Variants in UGT2A1 observed in about 807,000 individuals in gnomAD.
UGT2A1 encodes the protein UDP-glucuronosyltransferase 2A1.
A neutral mutation model predicts 45.4 loss-of-function variants in UGT2A1; 61 were observed. The observed-to-expected ratio is 1.34, with a 90% confidence interval of 1.09 to 1.66. The LOEUF is 1.66. UGT2A1 is among the 40% of genes most tolerant of loss of function. UGT2A1 has a pLI of 0.00. For missense variants in UGT2A1, 649 were observed against 574.3 expected (o/e 1.13, Z -1.33); for synonymous variants, 229 against 196.2 (o/e 1.17, Z -1.40).
At chr4:69,640,111 C>T (rs1039370071) in intron 2 of UGT2A1, among the ~76,000 whole-genome samples, 11 of 151,874 alleles carry the variant, frequency 7.2e-5, no homozygotes, top group African/African-American at 2.7e-4. Flanking sequence ...TCAGTTTCTT[C>T]CATATGACAC....
chr4:69,592,778 T>C (rs1396701165), intron 6 of UGT2A1, among the ~76,000 whole-genome samples: 1 of 151,570 alleles, frequency 6.6e-6, no homozygotes, highest in African/African-American at 2.4e-5. Flanking sequence ...AGATAAAAAA[T>C]GGAAATAAAA....
At position 69,635,829 on chromosome 4, in the gene UGT2A1, A is replaced by AAAAAAAAAAAAAAAAAAAAAAAC; in HGVS notation, c.716-8_716-7insGTTTTTTTTTTTTTTTTTTTTTT. 2.3e-5 allele frequency: 1 copy of AAAAAAAAAAAAAAAAAAAAAAAC among 42,982 alleles called. No homozygotes were observed. The allele number at this position is 42,982 out of a possible 1,614,324, so 2.7% of individuals were successfully genotyped here. ...CAACAGAGTAAGAGTCCACCTCACC[A>AAAAAAAAAAAAAAAAAAAAAAAC]AAAAAAAAAAAAAAAAAAAAAGAGA... is the stretch of plus-strand genomic sequence containing the variant. On this transcript the variant is annotated splice_region_variant and splice_polypyrimidine_tract_variant and intron_variant, in intron 2 of 6. Transcript: ENST00000286604.
intron 4 of UGT2A1, 30 bp from the exon 5 acceptor site, chr4:69,595,279 G>A: frequency 6.2e-7 from 1 of 1,609,014 alleles, no homozygotes; most frequent in Non-Finnish European, 8.5e-7. Context: ...AATTTTGCAA[G>A]GAAAAACACA....
At chr4:69,644,163 G>A (rs926766231) in intron 2 of UGT2A1, among the ~76,000 whole-genome samples, 6 of 151,638 alleles carry the variant, frequency 4.0e-5, no homozygotes, top group African/African-American at 1.4e-4. Context: ...TGAACAAATT[G>A]TTAAGAAAGA....
At chr4:69,638,405 A>C (rs1721838872) in intron 2 of UGT2A1, among the ~76,000 whole-genome samples, 1 of 152,142 alleles carries the variant, frequency 6.6e-6, no homozygotes, top group Non-Finnish European at 1.5e-5. Context: ...GATGGTGTCC[A>C]ACTACCCAGA....
intron 2 of UGT2A1, chr4:69,639,719 T>C (rs1721948111): frequency 7.3e-7 from 1 of 1,372,494 alleles, no homozygotes; most frequent in Non-Finnish European, 9.7e-7. Context: ...TAATATTTAG[T>C]GCGATGGTTA....
At chr4:69,609,718 G>A (rs1019105344) in intron 3 of UGT2A1, among the ~76,000 whole-genome samples, 1 of 151,714 alleles carries the variant, frequency 6.6e-6, no homozygotes, top group African/African-American at 2.4e-5. Flanking sequence ...ATACTTATTG[G>A]GTGAAAATAA....
intron 3 of UGT2A1, among the ~76,000 whole-genome samples, chr4:69,631,052 C>T (rs118150393): frequency 6.6e-6 from 1 of 152,126 alleles, no homozygotes; most frequent in East Asian, 1.9e-4. Context: ...TTCTATTGTT[C>T]TCTTTCTTAA....
chr4:69,608,136 C>G (rs868667002), intron 3 of UGT2A1, among the ~76,000 whole-genome samples: 1 of 152,092 alleles, frequency 6.6e-6, no homozygotes, highest in African/African-American at 2.4e-5. Context: ...TTTATTGCAG[C>G]GCTATTCACA....
Position 69,595,146 on chromosome 4 carries a change from T to G in UGT2A1, c.1084+16A>C, listed in dbSNP as rs1367724279. 1 of 1,613,752 alleles carries G rather than the reference T, an allele frequency of 6.2e-7. No homozygotes were observed. On this transcript the variant is annotated intron_variant, in intron 5 of 6. Transcript: ENST00000286604. ...TATTGTCCCACTGTACAGCTTTTCT[T>G]TCCCCACAGTCTTACCAAGAAGATC...
In UGT2A1 at chr4:69,595,195, G is replaced by A; in HGVS notation, c.1051C>T (p.Leu351Phe). The change falls in exon 5 of 7, where the codon CTC (leucine) becomes TTC (phenylalanine). Residue 351 changes from leucine to phenylalanine, a missense_variant. Leu to Phe is a conservative substitution (Grantham distance 22, BLOSUM62 0). Transcript: ENST00000286604. ...KPATLGNNTQ[L>F]FDWIPQNDLL... Reference sequence around the variant, plus strand: ...TCATTCTGGGGTATCCAATCAAAGAGCTGAGTATTGTTTCCTAATGTGGCT... The same window carrying A: ...TCATTCTGGGGTATCCAATCAAAGAACTGAGTATTGTTTCCTAATGTGGCT... 6.2e-7 allele frequency: 1 copy of A among 1,613,830 alleles called. No homozygotes were observed. Among genetic ancestry groups the A allele is most frequent in the Non-Finnish European group, 8.5e-7 (1 of 1,179,838 alleles).
At chr4:69,649,547 A>T (rs949427541) in intron 1 of UGT2A1, among the ~76,000 whole-genome samples, 3 of 152,214 alleles carry the variant, frequency 2.0e-5, no homozygotes, top group Admixed American at 6.6e-5. Context: ...GAAACCAGTT[A>T]GGCAGATAGT....
chr4:69,622,221 G>GAAA (rs1720794549), intron 3 of UGT2A1, among the ~76,000 whole-genome samples: 1 of 151,342 alleles, frequency 6.6e-6, no homozygotes, highest in Non-Finnish European at 1.5e-5. Flanking sequence ...GAAATTGAAA[G>GAAA]AAAAAAGTTA....
At chr4:69,597,755 A>C (rs1160699074) in intron 4 of UGT2A1, among the ~76,000 whole-genome samples, 1 of 151,810 alleles carries the variant, frequency 6.6e-6, no homozygotes, top group Non-Finnish European at 1.5e-5. Context: ...CATACACACA[A>C]ACGTACACAT....
intron 3 of UGT2A1, among the ~76,000 whole-genome samples, chr4:69,635,018 C>T (rs182029862): frequency 6.6e-6 from 1 of 152,072 alleles, no homozygotes; most frequent in African/African-American, 2.4e-5. Flanking sequence ...ATGGATACCC[C>T]GTACTCCAGG....
chr4:69,648,282 T>C (rs1327838360), intron 1 of UGT2A1, among the ~76,000 whole-genome samples: 1 of 24,454 alleles, frequency 4.1e-5, no homozygotes, highest in East Asian at 1.0e-3. Flanking sequence ...TTTAGTAATA[T>C]GTTTACAAAA....
At chr4:69,650,723 T>C (rs552298460) in intron 1 of UGT2A1, among the ~76,000 whole-genome samples, 31 of 152,244 alleles carry the variant, frequency 2.0e-4, no homozygotes, top group African/African-American at 7.2e-4. Context: ...CGTTTAAAAA[T>C]ATACTATCTT....
intron 3 of UGT2A1, chr4:69,603,596 G>T (rs913941789): frequency 7.3e-6 from 1 of 136,836 alleles, no homozygotes; most frequent in Non-Finnish European, 1.6e-5. Context: ...AGAGAAGAAG[G>T]CTTCAAACGA....
At chr4:69,634,928 G>T (rs1721591526) in intron 3 of UGT2A1, among the ~76,000 whole-genome samples, 1 of 151,908 alleles carries the variant, frequency 6.6e-6, no homozygotes, top group Non-Finnish European at 1.5e-5. Flanking sequence ...TAAGAGATTT[G>T]TTTTCTTCAT....
Sources: allele counts gnomAD v4.1 joint callset (sites outside exome capture counted in the v4.1 genomes callset), GRCh38; gene constraint gnomAD v4.1.1; transcripts MANE v1.5; gene names NCBI Gene and HGNC (gene_info 2026-07-23, HGNC 2026-07-21).